Variants in TDO2 observed in about 807,000 individuals in gnomAD.
The protein encoded by TDO2 is tryptamin 2,3-dioxygenase.
In TDO2, 63 loss-of-function variants were observed where a neutral mutation model predicts 61.2. That is an observed-to-expected ratio of 1.03 (90% confidence interval 0.84 to 1.27). The LOEUF is 1.27. Ranked by LOEUF, TDO2 falls within the 50% of genes most tolerant of loss-of-function variation. The pLI is 0.00. For missense variants in TDO2, 494 were observed against 469.5 expected, an observed-to-expected ratio of 1.05 and a Z score of -0.48; for synonymous variants, 183 against 164.0, an observed-to-expected ratio of 1.12 and a Z score of -0.89.
intron 5 of TDO2, among the ~76,000 whole-genome samples, chr4:155,909,484 T>C (rs1192045938): frequency 6.6e-6 from 1 of 152,044 alleles, no homozygotes; most frequent in Non-Finnish European, 1.5e-5. Context: ...AAGAAAAAAG[T>C]TTAAGAAACT....
chr4:155,911,606 T>C lies in TDO2; in HGVS notation c.726+2T>C, dbSNP rs759837095. The stretch of plus-strand genomic sequence containing the variant: ...GAAGAGGAATTCATAAGGATTCAGG[T>C]ATTTAGATGACATGAGTTAATATAA... On this transcript the variant is annotated splice_donor_variant, in intron 7 of 11. Transcript: ENST00000536354. LOFTEE classifies it high-confidence loss of function. The C allele has an allele frequency of 6.5e-7, 1 of 1,543,756 alleles. No individual in the cohort carries two copies. Among genetic ancestry groups the C allele is most frequent in the Non-Finnish European group, 8.8e-7 (1 of 1,139,178 alleles).
intron 8 of TDO2, 97 bp from the exon 9 acceptor site, chr4:155,915,758 C>A (rs1579330775): frequency 1.1e-6 from 1 of 940,320 alleles, no homozygotes; most frequent in Non-Finnish European, 1.6e-6. Context: ...TTTCTAAACA[C>A]ATGTAATCCA....
At chr4:155,914,207 A>G in intron 7 of TDO2, 116 bp from the exon 8 acceptor site, 1 of 685,106 alleles carries the variant, frequency 1.5e-6, no homozygotes, top group East Asian at 3.0e-5. Flanking sequence ...GATACAGTAA[A>G]TATTAAAAGT....
intron 2 of TDO2, 66 bp from the exon 3 acceptor site, chr4:155,904,998 ACTT>A: frequency 9.4e-7 from 1 of 1,061,656 alleles, no homozygotes; most frequent in South Asian, 1.6e-5. Flanking sequence ...ATCATATTCT[ACTT>A]CTTACTAAAG....
At chr4:155,916,107 C>T (rs1699130866) in intron 9 of TDO2, among the ~76,000 whole-genome samples, 195 bp downstream of exon 9, 1 of 148,072 alleles carries the variant, frequency 6.8e-6, no homozygotes, top group Non-Finnish European at 1.5e-5. Flanking sequence ...AAAGGCATAA[C>T]TTTTTCCCTG....
chr4:155,903,844 G>A (rs770978628), intron 1 of TDO2, 51 bp downstream of exon 1: 47 of 1,599,192 alleles, frequency 2.9e-5, no homozygotes, highest in Non-Finnish European at 4.0e-5. Flanking sequence ...GAAGTATCAG[G>A]TGTGAGCATT....
chr4:155,919,852 A>G lies in TDO2; in HGVS notation c.1083A>G (p.Val361=), dbSNP rs1560780268. 3 of 1,613,146 alleles carry G rather than the reference A, an allele frequency of 1.9e-6. No homozygotes were observed. The highest frequency in any genetic ancestry group is 2.5e-6 in the Non-Finnish European group (3 of 1,179,568). The part of the protein sequence containing the change: ...LRSTVSDRYK[V]FVDLFNLSTY... ...GTTTTTCCAGTGATAGGTACAAGGTATTTGTAGATTTATTTAATCTTTCAA... is the reference window on the plus strand; with the variant it reads ...GTTTTTCCAGTGATAGGTACAAGGTGTTTGTAGATTTATTTAATCTTTCAA... Residue 361 remains valine, a synonymous_variant, in exon 12 of 12, where the codon GTA becomes GTG. Coordinates refer to ENST00000536354, the MANE Select transcript of TDO2 (RefSeq NM_005651.4).
intron 3 of TDO2, 117 bp downstream of exon 3, chr4:155,905,274 AATGTTTGAGAAT>A: frequency 1.3e-6 from 1 of 794,824 alleles, no homozygotes; most frequent in Non-Finnish European, 2.0e-6. Flanking sequence ...CTCTGTTAGA[AATGTTTGAGAAT>A]ATTTTGCTGC....
rs1742891468 is a variant in TDO2, at chr4:155,914,342, A to G, written c.746A>G (p.Glu249Gly). The part of the protein sequence containing the change: ...IRIQAKEESE[E>G]KEEQVAEFQK... Reference sequence around the variant, plus strand: ...CTAAAGGCTAAAGAAGAGTCTGAAGAAAAAGAGGAACAGGTGGCTGAATTT... The same window carrying G: ...CTAAAGGCTAAAGAAGAGTCTGAAGGAAAAGAGGAACAGGTGGCTGAATTT... The change falls in exon 8 of 12, where the codon GAA becomes GGA. Residue 249 changes from glutamate (E) to glycine (G), a missense_variant. Transcript: ENST00000536354. 2 of 1,608,230 alleles carry G rather than the reference A, an allele frequency of 1.2e-6. No homozygotes were observed. Among genetic ancestry groups the G allele is most frequent in the Non-Finnish European group, 1.7e-6 (2 of 1,178,422 alleles).
intron 8 of TDO2, among the ~76,000 whole-genome samples, chr4:155,915,074 G>C (rs1436410656): frequency 6.6e-6 from 1 of 152,112 alleles, no homozygotes; most frequent in Non-Finnish European, 1.5e-5. Context: ...ACCAGGAAAA[G>C]CATACATTTA....
rs549116374 is a variant in TDO2, at chr4:155,916,995, C to CA, written c.897-393dup. 1.5e-4 allele frequency among the ~76,000 whole-genome samples: 22 copies of CA among 151,274 alleles called. No individual in the cohort carries two copies. In the East Asian group the frequency reaches 3.7e-3, roughly 25 times the overall value. ...CAAAACAACAACAAAAAAAACAAAACAAAAAAACAAATAGATGAAAAGAAA... is the reference window on the plus strand; with the variant it reads ...CAAAACAACAACAAAAAAAACAAAACAAAAAAAACAAATAGATGAAAAGAAA... On this transcript the variant is annotated intron_variant, in intron 9 of 11. Transcript: ENST00000536354.
chr4:155,920,060 A>C lies in TDO2; in HGVS notation c.*70A>C. On this transcript the variant is annotated 3_prime_UTR_variant, in exon 12 of 12. Transcript: ENST00000536354. ...TTTTTATTTTCTATGGATTTTCATA[A>C]ATACAGTTTGAATATATGTATGCAT... 1.4e-6 allele frequency: 2 copies of C among 1,476,342 alleles called. No homozygotes were observed. The highest frequency in any genetic ancestry group is 1.4e-5 in the African/African-American group (1 of 71,144). 91.5% of individuals were successfully genotyped at this position (1,476,342 alleles called of 1,614,324 possible). A position where few individuals can be genotyped will look rare whatever the true frequency, so the allele number is the denominator to read the frequency against.
chr4:155,908,045 G>C (rs563320793), intron 4 of TDO2, among the ~76,000 whole-genome samples: 4 of 152,250 alleles, frequency 2.6e-5, no homozygotes, highest in African/African-American at 9.6e-5. Flanking sequence ...CACCCACAAA[G>C]ATGTTATAAA....
chr4:155,916,232 A>G (rs1197997800), intron 9 of TDO2, among the ~76,000 whole-genome samples: 4 of 137,590 alleles, frequency 2.9e-5, no homozygotes, highest in Non-Finnish European at 6.1e-5. Flanking sequence ...CAGTGGTGCA[A>G]TCTCGGCTCA....
chr4:155,916,086 T>C (rs905780953), intron 9 of TDO2, among the ~76,000 whole-genome samples, 174 bp downstream of exon 9: 30 of 151,976 alleles, frequency 2.0e-4, no homozygotes, highest in Non-Finnish European at 3.8e-4. Context: ...TTTTTTTTTC[T>C]TTTAAATAGT....
chr4:155,918,717 G>C (rs915210828), intron 11 of TDO2: 3 of 155,394 alleles, frequency 1.9e-5, no homozygotes, highest in African/African-American at 7.2e-5. Context: ...TACAAGGAAA[G>C]AGATCAACAT....
intron 2 of TDO2, 146 bp from the exon 3 acceptor site, chr4:155,904,921 C>T (rs987725737): frequency 3.2e-5 from 18 of 563,470 alleles, no homozygotes; most frequent in African/African-American, 2.2e-4. Context: ...TGATGAGATT[C>T]GTCCATTGTT....
Position 155,920,197 on chromosome 4 carries a change from A to C in TDO2, c.*207A>C. 1.8e-6 allele frequency: 1 copy of C among 548,780 alleles called. No individual in the cohort carries two copies. Among genetic ancestry groups the C allele is most frequent in the Non-Finnish European group, 3.2e-6 (1 of 316,492 alleles). 34.0% of individuals were successfully genotyped at this position (548,780 alleles called of 1,614,324 possible). A position where few individuals can be genotyped will look rare whatever the true frequency, so the allele number is the denominator to read the frequency against. On this transcript the variant is annotated 3_prime_UTR_variant, in exon 12 of 12. Coordinates refer to ENST00000536354, the MANE Select transcript of TDO2 (RefSeq NM_005651.4). ...AGAAAGAATACATTTAAATAGTAAC[A>C]TTGTACATAGGGTGTTTTCCTATTA...
intron 4 of TDO2, among the ~76,000 whole-genome samples, chr4:155,908,277 A>G (rs1742756281): frequency 1.3e-5 from 2 of 152,128 alleles, no homozygotes; most frequent in African/African-American, 4.8e-5. Context: ...GAGGACAAAG[A>G]GTGAGAGGAG....
Sources: allele counts gnomAD v4.1 joint callset (sites outside exome capture counted in the v4.1 genomes callset), GRCh38; gene constraint gnomAD v4.1.1; transcripts MANE v1.5; gene names NCBI Gene and HGNC (gene_info 2026-07-23, HGNC 2026-07-21).